TMEM132C: variants seen among roughly 807,000 people sequenced by gnomAD.
The protein encoded by TMEM132C is transmembrane protein 132C, also known as protein phosphatase 1, regulatory subunit 152.
TMEM132C carries 29 observed loss-of-function variants against 61.4 expected under a neutral mutation model. The ratio of observed to expected loss-of-function variants is 0.47; its 90% CI spans 0.35 to 0.64. TMEM132C has a LOEUF of 0.64. Among genes scored for constraint, TMEM132C ranks in the 30% least tolerant of loss-of-function variants. The pLI is 0.00. For missense variants in TMEM132C, 1,408 were observed against 1,476.9 expected (o/e 0.95, Z 0.76); for synonymous variants, 656 against 633.1 (o/e 1.04, Z -0.54).
chr12:128,435,829 C>G (rs1486894344), intron 2 of TMEM132C, among the ~76,000 whole-genome samples: 1 of 152,086 alleles, frequency 6.6e-6, no homozygotes, highest in Non-Finnish European at 1.5e-5. Flanking sequence ...AAAAAGAGCC[C>G]ACATTGCGAA....
chr12:128,426,330 A>G (rs185698814), intron 2 of TMEM132C, among the ~76,000 whole-genome samples: 128 of 152,312 alleles, frequency 8.4e-4, no homozygotes, highest in African/African-American at 2.9e-3. Context: ...TTGTCCACAT[A>G]CCTGGCTTGC....
chr12:128,586,775 C>A (rs149317591), intron 3 of TMEM132C, among the ~76,000 whole-genome samples: 2 of 152,364 alleles, frequency 1.3e-5, no homozygotes, highest in East Asian at 3.9e-4. Flanking sequence ...ATCCTTGCCT[C>A]ATCCCTGAAG....
At chr12:128,491,238 A>G (rs1368479339) in intron 2 of TMEM132C, among the ~76,000 whole-genome samples, 1 of 152,242 alleles carries the variant, frequency 6.6e-6, no homozygotes, top group Non-Finnish European at 1.5e-5. Flanking sequence ...AAAAGGGGTC[A>G]GATGAATTTC....
rs535860770 is a variant in TMEM132C at position 128,548,460 on chromosome 12, G to A, written c.1121+4357G>A. On this transcript the variant is annotated intron_variant, in intron 3 of 8. Transcript: ENST00000435159. ...TCTCCACTTGTGAACTGGCTACGTG[G>A]TTTGTGAAGGTGTTGCAGTATGAAA... Among the ~76,000 whole-genome samples the A allele has an allele frequency of 6.6e-5, 10 of 152,292 alleles. 1 individual carries two copies. The South Asian group carries it at 1.9e-3, about 28-fold the overall frequency.
intron 1 of TMEM132C, among the ~76,000 whole-genome samples, chr12:128,358,703 A>T (rs148527663): frequency 7.3e-4 from 111 of 152,168 alleles, no homozygotes; most frequent in African/African-American, 2.6e-3. Context: ...GATACCCAAA[A>T]CTAATTGAGG....
In TMEM132C at chr12:128,357,950, C is replaced by T. The variant is rs942125616; in HGVS notation, c.86-56782C>T. 8.6e-5 allele frequency among the ~76,000 whole-genome samples: 13 copies of T among 152,006 alleles called. No individual in the cohort carries two copies. In the East Asian group the frequency reaches 1.6e-3, roughly 18 times the overall value. ...TTTCAGACACCATGAATGGAACACA[C>T]GGCCCCACCCTGCTCAGGGGCCAGG... On this transcript the variant is annotated intron_variant, in intron 1 of 8. Coordinates refer to ENST00000435159, the MANE Select transcript of TMEM132C (RefSeq NM_001136103.3).
chr12:128,515,387 G>A (rs1454593413), intron 2 of TMEM132C, among the ~76,000 whole-genome samples: 1 of 152,238 alleles, frequency 6.6e-6, no homozygotes, highest in African/African-American at 2.4e-5. Context: ...GCAAAAGCCA[G>A]TGAGGATGGC....
At chr12:128,515,183 G>A (rs1008668080) in intron 2 of TMEM132C, among the ~76,000 whole-genome samples, 10 of 152,208 alleles carry the variant, frequency 6.6e-5, no homozygotes, top group East Asian at 1.9e-4. Context: ...GGAGGTAGCC[G>A]TGTAACCTGT....
At chr12:128,636,058 A>G (rs1312652852) in intron 4 of TMEM132C, among the ~76,000 whole-genome samples, 1 of 152,034 alleles carries the variant, frequency 6.6e-6, no homozygotes, top group Non-Finnish European at 1.5e-5. Flanking sequence ...TCTCATCCAC[A>G]TATTTTTTTT....
At chr12:128,400,485 G>T (rs1371860195) in intron 1 of TMEM132C, among the ~76,000 whole-genome samples, 1 of 152,054 alleles carries the variant, frequency 6.6e-6, no homozygotes, top group Admixed American at 6.5e-5. Context: ...TGATCTTTGG[G>T]GCTGGATAAT....
At chr12:128,400,763 C>T (rs1976773) in intron 1 of TMEM132C, among the ~76,000 whole-genome samples, 9,297 of 152,026 alleles carry the variant, frequency 0.061, 976 homozygotes, top group African/African-American at 0.21. Flanking sequence ...CACGCACCAC[C>T]ATACCTGGCT....
intron 3 of TMEM132C, among the ~76,000 whole-genome samples, chr12:128,609,049 T>A (rs1356188417): frequency 2.0e-5 from 3 of 152,014 alleles, no homozygotes; most frequent in African/African-American, 7.3e-5. Context: ...CACTCTGTCA[T>A]CCAGGCTGCA....
chr12:128,670,690 G>T (rs1289018438), intron 5 of TMEM132C, among the ~76,000 whole-genome samples: 1 of 152,170 alleles, frequency 6.6e-6, no homozygotes, highest in Non-Finnish European at 1.5e-5. Flanking sequence ...TAGACCATCA[G>T]TGGTGCTTTG....
chr12:128,314,179 T>C (rs1872071612), intron 1 of TMEM132C, among the ~76,000 whole-genome samples: 1 of 152,222 alleles, frequency 6.6e-6, no homozygotes, highest in African/African-American at 2.4e-5. Flanking sequence ...GTTACTTCAG[T>C]CACTTATTGT....
chr12:128,593,088 C>G (rs1053855507), intron 3 of TMEM132C, among the ~76,000 whole-genome samples: 2 of 151,332 alleles, frequency 1.3e-5, no homozygotes, highest in Admixed American at 6.6e-5. Flanking sequence ...TTCCTTCTCT[C>G]TTACCTCTCT....
chr12:128,357,622 G>T lies in TMEM132C; in HGVS notation c.86-57110G>T, dbSNP rs1271218035. Among the ~76,000 whole-genome samples, 3 of 151,124 alleles carry T rather than the reference G, an allele frequency of 2.0e-5. No individual in the cohort carries two copies. The East Asian group carries it at 5.8e-4, about 29-fold the overall frequency. On this transcript the variant is annotated intron_variant, in intron 1 of 8. Coordinates refer to ENST00000435159, the MANE Select transcript of TMEM132C (RefSeq NM_001136103.3). ...AGGCAGGAGAATTGCTTGAACCCGG[G>T]AGGTGGAGGTTGCAGTGAGCCGAGA...
intron 1 of TMEM132C, among the ~76,000 whole-genome samples, chr12:128,328,181 A>C (rs185881422): frequency 9.9e-5 from 15 of 152,262 alleles, no homozygotes; most frequent in African/African-American, 3.6e-4. Flanking sequence ...CTTTGGGGCT[A>C]TTTTTAGGCT....
intron 4 of TMEM132C, among the ~76,000 whole-genome samples, chr12:128,658,780 G>A (rs1033967111): frequency 3.9e-5 from 6 of 152,158 alleles, no homozygotes; most frequent in Admixed American, 2.6e-4. Context: ...CTGGTTTAGC[G>A]CAAGATTCCT....
intron 1 of TMEM132C, among the ~76,000 whole-genome samples, chr12:128,360,546 C>G (rs1294176253): frequency 6.6e-6 from 1 of 152,154 alleles, no homozygotes; most frequent in Non-Finnish European, 1.5e-5. Flanking sequence ...CTCAGGGAAC[C>G]ACTTGTCTCC....
Sources: allele counts gnomAD v4.1 joint callset (sites outside exome capture counted in the v4.1 genomes callset), GRCh38; gene constraint gnomAD v4.1.1; transcripts MANE v1.5; gene names NCBI Gene and HGNC (gene_info 2026-07-23, HGNC 2026-07-21).